The following NPIPB11 variants were observed in gnomAD, a reference collection of about 807,000 sequenced individuals.
NPIPB11 encodes nuclear pore complex-interacting protein family member B11.
In NPIPB11, 17 loss-of-function variants were observed where a neutral mutation model predicts 32.8. That is an observed-to-expected ratio of 0.52 (90% CI 0.35 to 0.78). The LOEUF is 0.78. Ranked by LOEUF, NPIPB11 falls within the 30% of genes least tolerant of loss-of-function variation. The pLI is 0.01. For missense variants in NPIPB11, 537 were observed against 1,000.4 expected, an observed-to-expected ratio of 0.54 and a Z score of 6.25; for synonymous variants, 209 against 398.4, an observed-to-expected ratio of 0.52 and a Z score of 5.66.
In NPIPB11 at chr16:29,394,748, TTTTG is replaced by T. The variant is rs1361939611; in HGVS notation, c.121-676_121-673del. On this transcript the variant is annotated intron_variant, in intron 2 of 7. Transcript: ENST00000524087. The stretch of plus-strand genomic sequence containing the variant: ...TGCCCAGCCATTTTTTTGTTTTTGT[TTTTG>T]TTTGTTTTTTTGAGATGGGGTCTCA... 1.7e-4 allele frequency among the ~76,000 whole-genome samples: 25 copies of T among 151,110 alleles called. No homozygotes were observed. In the East Asian group the frequency reaches 3.5e-3, roughly 21 times the overall value.
At chr16:29,406,282 A>T (rs1964111412), upstream of NPIPB11, among the ~76,000 whole-genome samples, 1 of 152,282 alleles carries the variant, frequency 6.6e-6, no homozygotes, top group Non-Finnish European at 1.5e-5. Flanking sequence ...AAGTGAGGTG[A>T]CATTAGATCT....
chr16:29,383,532 G>A lies in NPIPB11; in HGVS notation c.1400C>T (p.Pro467Leu), dbSNP rs1963550186. 7.3e-6 allele frequency: 11 copies of A among 1,517,148 alleles called. 2 individuals carry two copies. Among genetic ancestry groups the A allele is most frequent in the Non-Finnish European group, 9.6e-6 (11 of 1,149,370 alleles). 94.0% of individuals were successfully genotyped at this position (1,517,148 alleles called of 1,614,324 possible). A position where few individuals can be genotyped will look rare whatever the true frequency, so the allele number is the denominator to read the frequency against. Residue 467 changes from proline to leucine, a missense_variant, in exon 8 of 8, where the codon CCC (proline) becomes CTC (leucine). Physicochemically the swap from Pro to Leu is moderately conservative, Grantham distance 98 (BLOSUM62 -3). Transcript: ENST00000524087. ...TGTCTTGAGATTATCATCGGCTGAG[G>A]GTGGAAGCGGCCCCCGCAGACGCTC...
At chr16:29,391,759 C>G (rs980349058) in intron 3 of NPIPB11, among the ~76,000 whole-genome samples, 1 of 152,090 alleles carries the variant, frequency 6.6e-6, no homozygotes, top group Non-Finnish European at 1.5e-5. Context: ...GTGTCACTCT[C>G]AACCATGCTG....
At chr16:29,390,996 C>T (rs1963708597) in intron 3 of NPIPB11, among the ~76,000 whole-genome samples, 2 of 149,634 alleles carry the variant, frequency 1.3e-5, no homozygotes, top group African/African-American at 2.5e-5. Context: ...AGGCCACCTG[C>T]GGTAGCTCAT....
intron 3 of NPIPB11, among the ~76,000 whole-genome samples, chr16:29,391,965 C>T (rs972657174): frequency 6.6e-6 from 1 of 152,068 alleles, no homozygotes; most frequent in Non-Finnish European, 1.5e-5. Context: ...AAGTCATCCA[C>T]CTGCCTCAGC....
chr16:29,391,859 TA>T (rs1454747068), intron 3 of NPIPB11, among the ~76,000 whole-genome samples: 9 of 151,920 alleles, frequency 5.9e-5, no homozygotes, highest in Admixed American at 4.6e-4. Context: ...TAGCTGGGAT[TA>T]CAGGTGCCTG....
At chr16:29,390,250 T>A in exon 4 of NPIPB11, 1 of 1,589,288 alleles carries the variant, frequency 6.3e-7, no homozygotes, top group South Asian at 1.1e-5. Flanking sequence ...GAGCCATACC[T>A]TCCTGTCTAC....
At chr16:29,395,701 C>T (rs1454162944) in intron 2 of NPIPB11, among the ~76,000 whole-genome samples, 15 of 150,760 alleles carry the variant, frequency 9.9e-5, no homozygotes, top group African/African-American at 1.5e-4. Flanking sequence ...CAAGGTGGGC[C>T]GGGCGTGGTG....
chr16:29,383,929 G>GACACTCGGC, exon 8 of NPIPB11: 1 of 1,396,898 alleles, frequency 7.2e-7, no homozygotes. Flanking sequence ...GGATGGAGCA[G>GACACTCGGC]ACACTCGGCA....
exon 8 of NPIPB11, chr16:29,383,107 G>A (rs761791755): frequency 1.1e-5 from 18 of 1,596,736 alleles, no homozygotes; most frequent in African/African-American, 9.6e-5. Flanking sequence ...GGGTGGAAGG[G>A]GAGTGAGCTG....
At chr16:29,393,224 G>A (rs1440390998) in intron 3 of NPIPB11, among the ~76,000 whole-genome samples, 1 of 151,242 alleles carries the variant, frequency 6.6e-6, no homozygotes, top group East Asian at 1.9e-4. Flanking sequence ...TTCTCTTGGA[G>A]GGCAGTTCTA....
exon 8 of NPIPB11, chr16:29,381,508 T>C: frequency 9.1e-7 from 1 of 1,095,298 alleles, no homozygotes; most frequent in Non-Finnish European, 1.3e-6. Flanking sequence ...GCCCTCCGCC[T>C]CTTGGGTTTG....
upstream of NPIPB11, among the ~76,000 whole-genome samples, chr16:29,405,477 A>G (rs1049164201): frequency 1.3e-5 from 2 of 152,136 alleles, no homozygotes; most frequent in African/African-American, 2.4e-5. Context: ...AGCCGTCACC[A>G]CGTGTTAGTC....
chr16:29,399,421 G>A (rs1282507098), intron 2 of NPIPB11, among the ~76,000 whole-genome samples: 1 of 149,990 alleles, frequency 6.7e-6, no homozygotes, highest in East Asian at 2.0e-4. Flanking sequence ...CAAAACAGGG[G>A]CTGGGTGTGG....
chr16:29,394,382 T>A (rs1415406225), intron 2 of NPIPB11, among the ~76,000 whole-genome samples: 1 of 149,704 alleles, frequency 6.7e-6, no homozygotes, highest in Non-Finnish European at 1.5e-5. Context: ...GAGCCACACA[T>A]AACATACACA....
At chr16:29,399,193 C>G (rs1963930207) in intron 2 of NPIPB11, among the ~76,000 whole-genome samples, 1 of 152,156 alleles carries the variant, frequency 6.6e-6, no homozygotes, top group East Asian at 1.9e-4. Context: ...GCCCTGTCCT[C>G]AGTTAAACTT....
At chr16:29,393,988 C>A (rs759452101) in exon 3 of NPIPB11, 2 of 1,599,436 alleles carry the variant, frequency 1.3e-6, no homozygotes, top group Non-Finnish European at 1.7e-6. Flanking sequence ...AACTTTATAA[C>A]TTGTCGGAAA....
intron 2 of NPIPB11, among the ~76,000 whole-genome samples, chr16:29,402,433 A>C (rs1008793906): frequency 1.8e-5 from 2 of 113,820 alleles, no homozygotes; most frequent in Non-Finnish European, 3.4e-5. Flanking sequence ...GACCGGGTGC[A>C]GTGGCTCACA....
rs574231680 is a variant in NPIPB11 at position 29,389,851 on chromosome 16, T to C, written c.545+90A>G. 326 of 1,568,796 alleles carry C rather than the reference T, an allele frequency of 2.1e-4. 1 individual carries two copies. The highest frequency in any genetic ancestry group is 2.5e-4 in the Non-Finnish European group (286 of 1,164,898). On this transcript the variant is annotated intron_variant, in intron 5 of 7. Transcript: ENST00000524087. ...GAACCTACTGAATTTGCCACAAATA[T>C]TGTAGAAAATATTCTCAAGGACTTT...
Sources: allele counts gnomAD v4.1 joint callset (sites outside exome capture counted in the v4.1 genomes callset), GRCh38; gene constraint gnomAD v4.1.1; transcripts MANE v1.5; gene names NCBI Gene and HGNC (gene_info 2026-07-23, HGNC 2026-07-21).